Variants in FRMPD4 observed in about 807,000 individuals in gnomAD.
FRMPD4 encodes FERM and PDZ domain containing 4.
A neutral mutation model predicts 94.1 loss-of-function variants in FRMPD4; 22 were observed. The observed-to-expected ratio is 0.23, with a 90% CI of 0.17 to 0.33. FRMPD4 has a LOEUF of 0.33. Among genes scored for constraint, FRMPD4 ranks in the 10% least tolerant of loss-of-function variants. The probability of loss-of-function intolerance (pLI) is 1.00; values close to 1 mark genes in which losing one functional copy is unlikely to be tolerated. For synonymous variants in FRMPD4, 631 were observed against 548.6 expected (o/e 1.15, Z -2.10); for missense variants, 1,111 against 1,339.9 (o/e 0.83, Z 2.67).
rs1440285639 is a variant in FRMPD4, at chrX:12,723,905, T to G, written c.*2047T>G. 8.9e-6 allele frequency: 1 copy of G among 111,842 alleles called. No individual in the cohort carries two copies. The highest frequency in any genetic ancestry group is 1.9e-5 in the Non-Finnish European group (1 of 53,213). 9.2% of individuals were successfully genotyped at this position (111,842 alleles called of 1,213,427 possible). A position where few individuals can be genotyped will look rare whatever the true frequency, so the allele number is the denominator to read the frequency against. On this transcript the variant is annotated 3_prime_UTR_variant, in exon 17 of 17. Transcript: ENST00000675598. ...CTCATAATAAAATGAAAATCAATTATAAGATCGATTTCCATAGGGTTGTCA... is the reference window on the plus strand; with the variant it reads ...CTCATAATAAAATGAAAATCAATTAGAAGATCGATTTCCATAGGGTTGTCA...
At chrX:12,328,384 G>A (rs1303410456) in intron 1 of FRMPD4, among the ~76,000 whole-genome samples, 1 of 111,854 alleles carries the variant, frequency 8.9e-6, no homozygotes, top group Admixed American at 9.5e-5. Flanking sequence ...GATGACAGAT[G>A]ACAGATCACA....
chrX:12,376,115 T>A (rs1245037108), intron 1 of FRMPD4, among the ~76,000 whole-genome samples: 1 of 112,127 alleles, frequency 8.9e-6, no homozygotes, highest in Non-Finnish European at 1.9e-5. Flanking sequence ...CTGGAAATGT[T>A]TACTGGAATA....
At chrX:12,096,675 A>T (rs1226585970) in intron 3 of FRMPD4, among the ~76,000 whole-genome samples, 1 of 111,770 alleles carries the variant, frequency 8.9e-6, no homozygotes, top group African/African-American at 3.3e-5. Context: ...ACTTGAGCCC[A>T]GGAGTTTGAT....
At chrX:12,603,278 G>T (rs978165236) in intron 2 of FRMPD4, among the ~76,000 whole-genome samples, 1 of 112,013 alleles carries the variant, frequency 8.9e-6, no homozygotes, top group Non-Finnish European at 1.9e-5. Context: ...TTCTAAATTT[G>T]GATTTTCCTT....
intron 3 of FRMPD4, among the ~76,000 whole-genome samples, chrX:11,910,837 A>G (rs1316520880): frequency 8.9e-6 from 1 of 111,951 alleles, no homozygotes; most frequent in Non-Finnish European, 1.9e-5. Flanking sequence ...TTGTAAATTA[A>G]TATTAAACAT....
chrX:12,635,583 G>A (rs1465697784), intron 4 of FRMPD4, among the ~76,000 whole-genome samples: 1 of 111,332 alleles, frequency 9.0e-6, no homozygotes, highest in African/African-American at 3.3e-5. Flanking sequence ...TGCTACCCCG[G>A]GGGGTGGAAT....
intron 2 of FRMPD4, among the ~76,000 whole-genome samples, chrX:12,577,237 G>C (rs1478300454): frequency 9.0e-6 from 1 of 111,196 alleles, no homozygotes; most frequent in African/African-American, 3.3e-5. Flanking sequence ...CCTGGAGAAG[G>C]CTACGGTCCA....
chrX:11,872,212 C>A (rs906087445), intron 2 of FRMPD4, among the ~76,000 whole-genome samples: 1 of 112,109 alleles, frequency 8.9e-6, no homozygotes, highest in Non-Finnish European at 1.9e-5. Flanking sequence ...ATTGCAGGTA[C>A]AATTCAACTT....
intron 4 of FRMPD4, among the ~76,000 whole-genome samples, chrX:12,659,498 T>C (rs1405536534): frequency 8.9e-6 from 1 of 112,645 alleles, no homozygotes; most frequent in African/African-American, 3.2e-5. Flanking sequence ...GGGGCTGTCA[T>C]GTGTGTTGTA....
chrX:12,227,824 G>GGA (rs750580451), intron 1 of FRMPD4, among the ~76,000 whole-genome samples: 2,031 of 94,409 alleles, frequency 0.022, 20 homozygotes, highest in Middle Eastern at 0.043. Flanking sequence ...AGAAAGAGAG[G>GGA]GAGAGAGAGA....
chrX:12,527,981 A>G (rs1447293602), intron 2 of FRMPD4, among the ~76,000 whole-genome samples: 2 of 112,352 alleles, frequency 1.8e-5, no homozygotes, highest in Non-Finnish European at 3.8e-5. Context: ...TCAACCAACC[A>G]ATTAACAGAA....
intron 1 of FRMPD4, among the ~76,000 whole-genome samples, chrX:11,834,397 T>G (rs754759163): frequency 8.9e-6 from 1 of 112,105 alleles, no homozygotes; most frequent in Admixed American, 9.5e-5. Flanking sequence ...GGTTCCAGTC[T>G]TGATCTCCCT....
chrX:12,497,180 GAATA>G (rs1569300123), intron 1 of FRMPD4, among the ~76,000 whole-genome samples: 1 of 111,712 alleles, frequency 9.0e-6, no homozygotes, highest in Non-Finnish European at 1.9e-5. Context: ...GAGTAAGCCA[GAATA>G]AATTGTTGCA....
chrX:12,481,407 A>G lies in FRMPD4; in HGVS notation c.42-17273A>G, dbSNP rs983601487. Reference sequence around the variant, plus strand: ...TCAGACCCACCCTGTAAAACATGTAAGCAAATACTTTTAGCTTACCATTTG... The same window carrying G: ...TCAGACCCACCCTGTAAAACATGTAGGCAAATACTTTTAGCTTACCATTTG... On this transcript the variant is annotated intron_variant, in intron 1 of 16. Coordinates refer to ENST00000675598, the MANE Select transcript of FRMPD4 (RefSeq NM_001368397.1). 2.5e-4 allele frequency among the ~76,000 whole-genome samples: 28 copies of G among 111,416 alleles called. 1 individual carries two copies. The highest frequency in any genetic ancestry group is 6.8e-4 in the African/African-American group (21 of 30,684).
chrX:12,674,416 C>T (rs889935030), intron 4 of FRMPD4, among the ~76,000 whole-genome samples: 1 of 111,732 alleles, frequency 8.9e-6, no homozygotes, highest in Non-Finnish European at 1.9e-5. Context: ...CATGAACTGA[C>T]AGAATTTTTA....
At chrX:12,293,208 G>C (rs2054716381) in intron 1 of FRMPD4, among the ~76,000 whole-genome samples, 2 of 112,178 alleles carry the variant, frequency 1.8e-5, no homozygotes, top group African/African-American at 6.5e-5. Flanking sequence ...AGAATGCTAA[G>C]AATTATGTGG....
chrX:12,601,606 C>A (rs2059084895), intron 2 of FRMPD4, among the ~76,000 whole-genome samples: 1 of 112,073 alleles, frequency 8.9e-6, no homozygotes, highest in South Asian at 3.7e-4. Context: ...AAATCTTATT[C>A]CTAAACTCAT....
chrX:11,983,885 C>T (rs1379556092), intron 3 of FRMPD4, among the ~76,000 whole-genome samples: 2 of 112,401 alleles, frequency 1.8e-5, no homozygotes, highest in African/African-American at 3.2e-5. Flanking sequence ...AAGTTCAAGA[C>T]ACTTTTGTAA....
chrX:11,841,564 C>G (rs1482629445), intron 1 of FRMPD4, among the ~76,000 whole-genome samples: 1 of 110,394 alleles, frequency 9.1e-6, no homozygotes, highest in African/African-American at 3.3e-5. Context: ...CGTGTCTGTT[C>G]ATATCCTTCG....
Sources: allele counts gnomAD v4.1 joint callset (sites outside exome capture counted in the v4.1 genomes callset), GRCh38; gene constraint gnomAD v4.1.1; transcripts MANE v1.5; gene names NCBI Gene and HGNC (gene_info 2026-07-23, HGNC 2026-07-21).